The following KCNMA1 variants were observed in gnomAD, a reference collection of about 807,000 sequenced individuals.
The protein encoded by KCNMA1 is Calcium-activated potassium channel subunit alpha-1.
In KCNMA1, 29 loss-of-function variants were observed where a neutral mutation model predicts 140.0. The observed-to-expected ratio is 0.21, with a 90% confidence interval of 0.15 to 0.28. KCNMA1 has a LOEUF of 0.28. Ranked by LOEUF, KCNMA1 falls within the 10% of genes least tolerant of loss-of-function variation. The pLI is 1.00. For missense variants in KCNMA1, 880 were observed against 1,602.2 expected (o/e 0.55, Z 7.70); for synonymous variants, 612 against 611.9 (o/e 1.00, Z 0.00).
intron 23 of KCNMA1, among the ~76,000 whole-genome samples, chr10:76,929,224 A>G (rs1475659452): frequency 6.6e-6 from 1 of 152,232 alleles, no homozygotes; most frequent in Admixed American, 6.5e-5. Flanking sequence ...GCCTGTTAAA[A>G]GTAGTTTTAT....
intron 1 of KCNMA1, among the ~76,000 whole-genome samples, chr10:77,575,561 C>T (rs2073769749): frequency 6.6e-6 from 1 of 152,184 alleles, no homozygotes; most frequent in Non-Finnish European, 1.5e-5. Context: ...CTCCCCAAGG[C>T]ACCTTCCCAT....
chr10:77,060,544 C>T lies in KCNMA1; in HGVS notation c.1749+12553G>A, dbSNP rs565849411. 1.8e-3 allele frequency among the ~76,000 whole-genome samples: 272 copies of T among 152,310 alleles called. 3 individuals are homozygous for T. The highest frequency in any genetic ancestry group is 2.8e-3 in the Non-Finnish European group (190 of 68,024). On this transcript the variant is annotated intron_variant, in intron 14 of 27. Transcript: ENST00000286628. ...AAGAATTTTGTCCCAGGATTGATCA[C>T]ACCCAAAGTCTCACCCATAACTGAT...
chr10:77,145,044 A>G (rs1307871661), intron 5 of KCNMA1, among the ~76,000 whole-genome samples: 1 of 152,210 alleles, frequency 6.6e-6, no homozygotes, highest in African/African-American at 2.4e-5. Context: ...AAACTGGTCT[A>G]TATTCTGCCA....
chr10:77,284,127 G>A (rs998207382), intron 2 of KCNMA1, among the ~76,000 whole-genome samples: 2 of 152,204 alleles, frequency 1.3e-5, no homozygotes, highest in African/African-American at 2.4e-5. Context: ...TGGACACTGA[G>A]GGTGAGAGTG....
Position 76,944,768 on chromosome 10 carries a change from C to CT in KCNMA1, c.2902+4dup. ...CAGCAAAGAAGTATTACAGGCTGTC[C>CT]TTACCTTGGGAATTAGCCTGCAAGA... On this transcript the variant is annotated splice_donor_region_variant and intron_variant, in intron 23 of 27. Transcript: ENST00000286628. 1 of 1,613,582 alleles carries CT rather than the reference C, an allele frequency of 6.2e-7. No individual in the cohort carries two copies. Among genetic ancestry groups the CT allele is most frequent in the Non-Finnish European group, 8.5e-7 (1 of 1,179,570 alleles).
At chr10:77,579,127 G>C (rs7923969) in intron 1 of KCNMA1, among the ~76,000 whole-genome samples, 2,732 of 152,308 alleles carry the variant, frequency 0.018, 82 homozygotes, top group African/African-American at 0.054. Flanking sequence ...ATTTCTTCAA[G>C]GATGAGTCAG....
At chr10:76,985,921 A>G (rs534374323) in intron 19 of KCNMA1, among the ~76,000 whole-genome samples, 24 of 152,384 alleles carry the variant, frequency 1.6e-4, no homozygotes, top group African/African-American at 5.8e-4. Context: ...CTAACATAAA[A>G]AAATAAAATA....
intron 3 of KCNMA1, among the ~76,000 whole-genome samples, chr10:77,198,568 G>GATAGATAT (rs1554968746): frequency 5.8e-5 from 8 of 138,414 alleles, no homozygotes; most frequent in South Asian, 2.4e-4. Flanking sequence ...ATATATATGT[G>GATAGATAT]ATATATATAT....
intron 10 of KCNMA1, among the ~76,000 whole-genome samples, chr10:77,089,301 C>T (rs928099293): frequency 8.5e-5 from 13 of 152,160 alleles, no homozygotes; most frequent in South Asian, 2.1e-4. Flanking sequence ...AGTAGGACCG[C>T]GTGCTGGGTA....
At chr10:77,527,180 A>G (rs2056080152) in intron 1 of KCNMA1, among the ~76,000 whole-genome samples, 1 of 152,068 alleles carries the variant, frequency 6.6e-6, no homozygotes, top group South Asian at 2.1e-4. Context: ...GCCCTGGCAT[A>G]CTCCCAAATT....
At chr10:77,502,028 C>T (rs1037606999) in intron 1 of KCNMA1, among the ~76,000 whole-genome samples, 1 of 152,190 alleles carries the variant, frequency 6.6e-6, no homozygotes, top group African/African-American at 2.4e-5. Flanking sequence ...TGTGTATCCC[C>T]CTCCTCTGCC....
rs150773389 is a variant in KCNMA1 at position 77,384,125 on chromosome 10, G to A, written c.540+19737C>T. 1.5e-3 allele frequency among the ~76,000 whole-genome samples: 223 copies of A among 152,336 alleles called. 2 individuals carry two copies. The highest frequency in any genetic ancestry group is 4.8e-3 in the African/African-American group (201 of 41,584). ...CCCCCGCGGAGATCACTGGCATCAC[G>A]CTGATGGACAATACAAGATCTGAAG... On this transcript the variant is annotated intron_variant, in intron 2 of 27. Coordinates refer to ENST00000286628, the MANE Select transcript of KCNMA1 (RefSeq NM_001161352.2).
At chr10:76,920,020 G>GTGTGTGTGTGTGTGTATATATA (rs1177257916) in intron 23 of KCNMA1, among the ~76,000 whole-genome samples, 4 of 34,426 alleles carry the variant, frequency 1.2e-4, no homozygotes, top group African/African-American at 4.2e-4. Flanking sequence ...GTGTGTGTGT[G>GTGTGTGTGTGTGTGTATATATA]TATATATATA....
chr10:77,248,357 T>C (rs780164144), intron 3 of KCNMA1, among the ~76,000 whole-genome samples: 2 of 152,106 alleles, frequency 1.3e-5, no homozygotes, highest in Non-Finnish European at 2.9e-5. Context: ...TCCTCAGCAT[T>C]CTGGAGGGGA....
intron 1 of KCNMA1, among the ~76,000 whole-genome samples, chr10:77,532,221 C>T (rs570640284): frequency 4.6e-5 from 7 of 152,324 alleles, no homozygotes; most frequent in South Asian, 2.1e-4. Context: ...AGAATCCCCC[C>T]GTGTGTCACG....
intron 1 of KCNMA1, among the ~76,000 whole-genome samples, chr10:77,474,168 A>ATGTAGC (rs2154529444): frequency 6.6e-6 from 1 of 152,376 alleles, no homozygotes; most frequent in African/African-American, 2.4e-5. Context: ...AGCCAGACAC[A>ATGTAGC]CAGCAAAGAC....
At chr10:77,580,380 CA>C (rs35626401) in intron 1 of KCNMA1, among the ~76,000 whole-genome samples, 37,616 of 95,238 alleles carry the variant, frequency 0.39, 4,467 homozygotes, top group Non-Finnish European at 0.45. Context: ...GACTCCATCT[CA>C]AAAAAAAAAA....
At chr10:76,954,477 T>A (rs2067443011) in intron 20 of KCNMA1, among the ~76,000 whole-genome samples, 1 of 152,252 alleles carries the variant, frequency 6.6e-6, no homozygotes, top group South Asian at 2.1e-4. Context: ...GGCTGCACTT[T>A]AAATATTTTA....
intron 2 of KCNMA1, among the ~76,000 whole-genome samples, chr10:77,299,778 G>T (rs1467478909): frequency 1.3e-5 from 2 of 152,176 alleles, no homozygotes; most frequent in Non-Finnish European, 2.9e-5. Flanking sequence ...CTGCCATGCT[G>T]TTGGGGCAAA....
Sources: allele counts gnomAD v4.1 joint callset (sites outside exome capture counted in the v4.1 genomes callset), GRCh38; gene constraint gnomAD v4.1.1; transcripts MANE v1.5; gene names NCBI Gene and HGNC (gene_info 2026-07-23, HGNC 2026-07-21).